The following TAF4B variants were observed in gnomAD, a reference collection of about 807,000 sequenced individuals.
TAF4B encodes the protein TATA-box binding protein associated factor 4b.
In TAF4B, 38 loss-of-function variants were observed where a neutral mutation model predicts 86.4. That is an observed-to-expected ratio of 0.44 (90% CI 0.34 to 0.58). TAF4B has a LOEUF of 0.58. TAF4B is among the 20% of genes least tolerant of loss of function. The probability of loss-of-function intolerance (pLI) is 0.02; values close to 1 mark genes in which losing one functional copy is unlikely to be tolerated. For synonymous variants in TAF4B, 388 were observed against 391.2 expected (o/e 0.99, Z 0.10); for missense variants, 988 against 1,027.6 (o/e 0.96, Z 0.53).
intron 14 of TAF4B, among the ~76,000 whole-genome samples, chr18:26,365,189 T>C (rs1331258762): frequency 6.6e-6 from 1 of 151,966 alleles, no homozygotes; most frequent in Non-Finnish European, 1.5e-5. Flanking sequence ...GTATTTTTAG[T>C]ACAGATGGGA....
chr18:26,246,590 G>T (rs1278111121), intron 1 of TAF4B, among the ~76,000 whole-genome samples: 4 of 151,762 alleles, frequency 2.6e-5, no homozygotes, highest in African/African-American at 9.7e-5. Flanking sequence ...CTGGAGTGCA[G>T]TGGCGCGATC....
At chr18:26,276,768 G>T (rs1338322981) in intron 5 of TAF4B, among the ~76,000 whole-genome samples, 1 of 152,128 alleles carries the variant, frequency 6.6e-6, no homozygotes, top group African/African-American at 2.4e-5. Context: ...TTTGAAAGGG[G>T]ATATGATGAC....
intron 14 of TAF4B, among the ~76,000 whole-genome samples, chr18:26,363,260 A>C (rs932718823): frequency 1.3e-4 from 19 of 149,382 alleles, no homozygotes; most frequent in Non-Finnish European, 2.5e-4. Context: ...TTTAACTTTA[A>C]AGGCATTTTT....
intron 1 of TAF4B, among the ~76,000 whole-genome samples, chr18:26,230,786 T>C (rs550567507): frequency 2.0e-5 from 3 of 152,148 alleles, no homozygotes; most frequent in Non-Finnish European, 4.4e-5. Flanking sequence ...CGCTATTATC[T>C]ATCCTCAGGG....
At chr18:26,241,189 A>G (rs1162096155) in intron 1 of TAF4B, among the ~76,000 whole-genome samples, 2 of 152,212 alleles carry the variant, frequency 1.3e-5, no homozygotes, top group Non-Finnish European at 2.9e-5. Flanking sequence ...CTCTGGTAGA[A>G]TTCGGCTGTG....
In TAF4B at chr18:26,237,488, G is replaced by GT. The variant is rs528834286; in HGVS notation, c.343+10220dup. On this transcript the variant is annotated intron_variant, in intron 1 of 14. Transcript: ENST00000269142. ...AAGGGGATGTAACCGATAGCCTGGG[G>GT]TTTTTTTTGTGGTCCCTTGGAGATT... Among the ~76,000 whole-genome samples the GT allele has an allele frequency of 6.3e-4, 95 of 151,868 alleles. 3 individuals are homozygous for GT. The highest frequency in any genetic ancestry group is 3.4e-3 in the Middle Eastern group (1 of 294).
In TAF4B at chr18:26,292,342, C is replaced by G. The variant is rs370643941; in HGVS notation, c.1687C>G (p.Pro563Ala). 4 of 1,614,102 alleles carry G rather than the reference C, an allele frequency of 2.5e-6. No homozygotes were observed. The highest frequency in any genetic ancestry group is 3.4e-6 in the Non-Finnish European group (4 of 1,179,996). Residue 563 changes from proline (P) to alanine (A), a missense_variant, in exon 8 of 15, where the codon CCA (proline) becomes GCA (alanine). Pro to Ala is a conservative substitution (Grantham distance 27). Coordinates refer to ENST00000269142, the MANE Select transcript of TAF4B (RefSeq NM_005640.3). Reference protein sequence around the residue: ...TIQKCGQKTMPVNTIIPTSQF... With the variant: ...TIQKCGQKTMAVNTIIPTSQF... ...TCAGAAATGTGGACAGAAGACGATG[C>G]CAGTGAACACCATAATACCTACTAG...
Position 26,326,980 on chromosome 18 carries a change from CATT to C in TAF4B, c.2134-32_2134-30del, listed in dbSNP as rs2057009452. On this transcript the variant is annotated intron_variant, in intron 11 of 14. Transcript: ENST00000269142. ...TAATGTAGAATGTGTGGCCCAGGAT[CATT>C]ATAAGACTTTCTGTTTTCTTTTTTT... The C allele has an allele frequency of 2.5e-6, 4 of 1,598,280 alleles. No individual in the cohort carries two copies. The Admixed American group carries it at 6.7e-5, about 27-fold the overall frequency.
chr18:26,261,925 C>T (rs894660259), intron 1 of TAF4B, among the ~76,000 whole-genome samples: 3 of 152,104 alleles, frequency 2.0e-5, no homozygotes, highest in African/African-American at 2.4e-5. Flanking sequence ...GAGCAGAGGT[C>T]GGGACTGTGG....
chr18:26,255,688 A>C, intron 1 of TAF4B: 1 of 1,533,400 alleles, frequency 6.5e-7, no homozygotes, highest in Non-Finnish European at 8.8e-7. Context: ...CTACATAAAA[A>C]CCTCAGTCAC....
chr18:26,294,148 T>C (rs2056632385), intron 9 of TAF4B, among the ~76,000 whole-genome samples: 3 of 152,154 alleles, frequency 2.0e-5, no homozygotes, highest in Admixed American at 1.3e-4. Context: ...AGAAATATGA[T>C]TGATGAGTCA....
chr18:26,376,423 A>G (rs960995480), intron 14 of TAF4B, among the ~76,000 whole-genome samples: 2 of 151,840 alleles, frequency 1.3e-5, no homozygotes, highest in African/African-American at 4.8e-5. Context: ...ATATTTTACT[A>G]TTTTTGATGC....
intron 14 of TAF4B, among the ~76,000 whole-genome samples, chr18:26,364,665 A>G (rs1287197378): frequency 6.6e-6 from 1 of 152,196 alleles, no homozygotes; most frequent in Non-Finnish European, 1.5e-5. Context: ...GATAAGTTAC[A>G]TTTTAACCTT....
chr18:26,368,503 A>G (rs2057385609), intron 14 of TAF4B, among the ~76,000 whole-genome samples: 1 of 152,230 alleles, frequency 6.6e-6, no homozygotes, highest in African/African-American at 2.4e-5. Flanking sequence ...TAAGGGGCAC[A>G]GATAGCAGTC....
chr18:26,239,925 C>G (rs2144457172), intron 1 of TAF4B, among the ~76,000 whole-genome samples: 1 of 152,286 alleles, frequency 6.6e-6, no homozygotes, highest in South Asian at 2.1e-4. Context: ...TCTGAGGGCT[C>G]TGTTCTGTTC....
intron 9 of TAF4B, among the ~76,000 whole-genome samples, chr18:26,301,902 G>T (rs560292850): frequency 1.3e-5 from 2 of 152,122 alleles, no homozygotes; most frequent in South Asian, 4.2e-4. Context: ...TTAGTGTCTT[G>T]TTCCACGTCA....
At chr18:26,323,078 G>A (rs919197936) in intron 11 of TAF4B, among the ~76,000 whole-genome samples, 20 of 152,188 alleles carry the variant, frequency 1.3e-4, no homozygotes, top group African/African-American at 4.3e-4. Context: ...GCTGTATTCC[G>A]TTGTGGTCAG....
At chr18:26,267,698 G>A (rs930421411) in intron 3 of TAF4B, 75 bp downstream of exon 3, 34 of 1,005,142 alleles carry the variant, frequency 3.4e-5, no homozygotes, top group Non-Finnish European at 4.9e-5. Context: ...TCTCCTGTTA[G>A]ATATGTAAGT....
At chr18:26,302,235 A>AT in intron 9 of TAF4B, among the ~76,000 whole-genome samples, 1 of 152,128 alleles carries the variant, frequency 6.6e-6, no homozygotes, top group Middle Eastern at 3.4e-3. Context: ...ATGAACAGAA[A>AT]TTCTTAATTT....
Sources: allele counts gnomAD v4.1 joint callset (sites outside exome capture counted in the v4.1 genomes callset), GRCh38; gene constraint gnomAD v4.1.1; transcripts MANE v1.5; gene names NCBI Gene and HGNC (gene_info 2026-07-23, HGNC 2026-07-21).